LRRC4C: variants seen among roughly 807,000 people sequenced by gnomAD.
The protein encoded by LRRC4C is leucine-rich repeat-containing protein 4C.
LRRC4C carries 5 observed loss-of-function variants against 33.6 expected under a neutral mutation model. The ratio of observed to expected loss-of-function variants is 0.15; its 90% CI spans 0.08 to 0.31. The LOEUF (loss-of-function observed/expected upper bound fraction) is 0.31. Among genes scored for constraint, LRRC4C ranks in the 10% least tolerant of loss-of-function variants. The pLI is 1.00. For missense variants in LRRC4C, 560 were observed against 796.7 expected (o/e 0.70, Z 3.58); for synonymous variants, 329 against 302.0 (o/e 1.09, Z -0.93).
rs1460146188 is a variant in LRRC4C at position 40,873,673 on chromosome 11, T to A, written c.-407+59962A>T. The stretch of plus-strand genomic sequence containing the variant: ...ATCAATATCGATCTCCCATACAGCA[T>A]GGATTAGACAATTGAGGTAGTAGGA... On this transcript the variant is annotated intron_variant, in intron 2 of 6. Coordinates refer to ENST00000528697, the MANE Select transcript of LRRC4C (RefSeq NM_001258419.2). 9.2e-5 allele frequency among the ~76,000 whole-genome samples: 14 copies of A among 152,114 alleles called. No homozygotes were observed. The East Asian group carries it at 2.7e-3, about 29-fold the overall frequency.
At chr11:40,996,961 G>T (rs557757625) in intron 1 of LRRC4C, among the ~76,000 whole-genome samples, 14 of 152,138 alleles carry the variant, frequency 9.2e-5, no homozygotes, top group African/African-American at 3.1e-4. Context: ...TTTCAACATT[G>T]GAGGGGATGA....
At chr11:40,469,067 G>A (rs183644220) in intron 3 of LRRC4C, among the ~76,000 whole-genome samples, 1 of 152,320 alleles carries the variant, frequency 6.6e-6, no homozygotes, top group Admixed American at 6.5e-5. Context: ...ATGTGTACTG[G>A]GGAAAAAGGG....
chr11:41,263,008 G>T (rs1303834926), intron 1 of LRRC4C, among the ~76,000 whole-genome samples: 1 of 152,020 alleles, frequency 6.6e-6, no homozygotes, highest in African/African-American at 2.4e-5. Flanking sequence ...TTCCTAATAA[G>T]CTACCTAGTT....
intron 3 of LRRC4C, among the ~76,000 whole-genome samples, chr11:40,513,653 G>A (rs1590966817): frequency 6.6e-6 from 1 of 152,168 alleles, no homozygotes; most frequent in East Asian, 1.9e-4. Context: ...GTGGAGAGTG[G>A]ATTAGAAGGG....
intron 3 of LRRC4C, among the ~76,000 whole-genome samples, chr11:40,557,464 A>G (rs186463136): frequency 6.6e-6 from 1 of 152,340 alleles, no homozygotes; most frequent in East Asian, 1.9e-4. Flanking sequence ...TACATGCAAA[A>G]GTATCTTTGA....
At chr11:41,164,869 A>G (rs1187458265) in intron 1 of LRRC4C, among the ~76,000 whole-genome samples, 1 of 152,184 alleles carries the variant, frequency 6.6e-6, no homozygotes, top group East Asian at 1.9e-4. Flanking sequence ...AGCCCAGGTC[A>G]TAAAATCCCT....
intron 3 of LRRC4C, among the ~76,000 whole-genome samples, chr11:40,421,238 T>C (rs1052421998): frequency 1.3e-5 from 2 of 152,224 alleles, no homozygotes; most frequent in Admixed American, 1.3e-4. Flanking sequence ...AGGACAGATC[T>C]GATGTTCTTA....
Position 40,344,325 on chromosome 11 carries a change from T to C in LRRC4C, c.-269-24604A>G, listed in dbSNP as rs1036394149. On this transcript the variant is annotated intron_variant, in intron 3 of 6. Coordinates refer to ENST00000528697, the MANE Select transcript of LRRC4C (RefSeq NM_001258419.2). ...ACTATGATCAAGTAAGCTTTATCCC[T>C]GGCATGCAAGGTTGGTTCAACATAT... Among the ~76,000 whole-genome samples the C allele has an allele frequency of 1.3e-5, 2 of 152,156 alleles. 1 individual carries two copies.
intron 4 of LRRC4C, among the ~76,000 whole-genome samples, chr11:40,279,608 C>CT (rs1380767703): frequency 6.6e-6 from 1 of 152,140 alleles, no homozygotes. Context: ...TGAATTATTT[C>CT]AATTCTAACT....
At chr11:41,265,085 C>T (rs1223732041) in intron 1 of LRRC4C, among the ~76,000 whole-genome samples, 2 of 152,054 alleles carry the variant, frequency 1.3e-5, no homozygotes, top group Non-Finnish European at 2.9e-5. Flanking sequence ...GCAGAAGCTC[C>T]ATAATTTTAA....
chr11:40,197,643 T>C (rs2135692537), intron 5 of LRRC4C, among the ~76,000 whole-genome samples: 1 of 152,306 alleles, frequency 6.6e-6, no homozygotes, highest in East Asian at 1.9e-4. Context: ...AACTCCATCA[T>C]TCCCCATGAC....
At chr11:40,210,207 G>T (rs1474511492) in intron 5 of LRRC4C, among the ~76,000 whole-genome samples, 1 of 151,812 alleles carries the variant, frequency 6.6e-6, no homozygotes, top group East Asian at 1.9e-4. Context: ...GGCGGAGCTT[G>T]CAGTGAGCCA....
chr11:41,258,684 T>C (rs1055241411), intron 1 of LRRC4C, among the ~76,000 whole-genome samples: 1 of 151,922 alleles, frequency 6.6e-6, no homozygotes, highest in South Asian at 2.1e-4. Context: ...TGAGGAAAAA[T>C]GTAATTGACA....
chr11:40,440,905 A>T (rs1590744721), intron 3 of LRRC4C, among the ~76,000 whole-genome samples: 1 of 151,634 alleles, frequency 6.6e-6, no homozygotes. Flanking sequence ...TAGGTAAGAT[A>T]GGTTTGCTCT....
chr11:41,442,616 C>T (rs1422177562), intron 1 of LRRC4C, among the ~76,000 whole-genome samples: 2 of 151,508 alleles, frequency 1.3e-5, no homozygotes, highest in Non-Finnish European at 2.9e-5. Flanking sequence ...ACTACAGGCG[C>T]CCATCACCAC....
chr11:41,140,798 A>G (rs951647262), intron 1 of LRRC4C, among the ~76,000 whole-genome samples: 2 of 131,098 alleles, frequency 1.5e-5, no homozygotes, highest in Admixed American at 1.5e-4. Flanking sequence ...AATTACTTTC[A>G]TACCCTAGAA....
At chr11:40,434,799 T>C (rs186553600) in intron 3 of LRRC4C, among the ~76,000 whole-genome samples, 1 of 152,318 alleles carries the variant, frequency 6.6e-6, no homozygotes, top group Admixed American at 6.5e-5. Context: ...TTGATTTAAA[T>C]GTACCATTTT....
At chr11:40,881,167 T>G (rs1338314383) in intron 2 of LRRC4C, among the ~76,000 whole-genome samples, 1 of 152,086 alleles carries the variant, frequency 6.6e-6, no homozygotes, top group Non-Finnish European at 1.5e-5. Flanking sequence ...TTATGGCATA[T>G]GGTTTGGGGG....
intron 5 of LRRC4C, among the ~76,000 whole-genome samples, chr11:40,154,016 T>G (rs1858446171): frequency 6.6e-6 from 1 of 152,092 alleles, no homozygotes; most frequent in Non-Finnish European, 1.5e-5. Context: ...GGAAAGAATC[T>G]TAAGAGCTGT....
Sources: allele counts gnomAD v4.1 joint callset (sites outside exome capture counted in the v4.1 genomes callset), GRCh38; gene constraint gnomAD v4.1.1; transcripts MANE v1.5; gene names NCBI Gene and HGNC (gene_info 2026-07-23, HGNC 2026-07-21).